CNBD1: variants seen among roughly 807,000 people sequenced by gnomAD.
CNBD1 encodes the protein cyclic nucleotide binding domain containing 1.
In CNBD1, 71 loss-of-function variants were observed where a neutral mutation model predicts 54.4. The observed-to-expected ratio is 1.30, with a 90% CI of 1.08 to 1.59. The LOEUF is 1.59. CNBD1 is among the 40% of genes most tolerant of loss of function. CNBD1 has a pLI of 0.00. For missense variants in CNBD1, 659 were observed against 518.0 expected, an observed-to-expected ratio of 1.27 and a Z score of -2.64; for synonymous variants, 182 against 170.7, an observed-to-expected ratio of 1.07 and a Z score of -0.51.
Position 87,323,778 on chromosome 8 carries a change from A to G in CNBD1, c.1043-27907A>G. On this transcript the variant is annotated intron_variant, in intron 8 of 10. Transcript: ENST00000518476. ...GACAATTTGACTTCCTCTTTTCCTA[A>G]TTGAATACCCTTTATTTCCTTCTCC... Among the ~76,000 whole-genome samples, 2 of 110,454 alleles carry G rather than the reference A, an allele frequency of 1.8e-5. 1 individual carries two copies. The highest frequency in any genetic ancestry group is 4.3e-5 in the Non-Finnish European group (2 of 46,780). 72.5% of individuals were successfully genotyped at this position (110,454 alleles called of 152,430 possible).
chr8:87,369,581 T>C (rs1364504108), intron 10 of CNBD1, among the ~76,000 whole-genome samples: 1 of 152,004 alleles, frequency 6.6e-6, no homozygotes, highest in Non-Finnish European at 1.5e-5. Context: ...AGATTTAGAA[T>C]TCTTGGCTGA....
intron 8 of CNBD1, among the ~76,000 whole-genome samples, chr8:87,293,536 C>A (rs762314505): frequency 6.6e-6 from 1 of 152,122 alleles, no homozygotes; most frequent in Non-Finnish European, 1.5e-5. Context: ...GAGCAAGACT[C>A]CATCTCAAAA....
At chr8:87,130,869 A>T (rs1032227045) in intron 4 of CNBD1, among the ~76,000 whole-genome samples, 1 of 151,248 alleles carries the variant, frequency 6.6e-6, no homozygotes, top group Non-Finnish European at 1.5e-5. Flanking sequence ...AATTTTGTCC[A>T]TTTTTTTGTT....
intron 8 of CNBD1, among the ~76,000 whole-genome samples, chr8:87,346,320 G>C (rs965590535): frequency 3.9e-5 from 6 of 152,020 alleles, no homozygotes; most frequent in Admixed American, 2.6e-4. Flanking sequence ...GGTATCACAG[G>C]TGTGAGCCAC....
At position 86,874,986 on chromosome 8, in the gene CNBD1, TTATATATATATATATATA is replaced by T. The variant is rs10584669; in HGVS notation, c.88+8421_88+8438del. Among the ~76,000 whole-genome samples the T allele has an allele frequency of 4.2e-3, 499 of 120,124 alleles. 18 individuals carry two copies. The highest frequency in any genetic ancestry group is 0.016 in the African/African-American group (460 of 28,970). The allele number at this position is 120,124 out of a possible 152,430, so 78.8% of individuals were successfully genotyped here. ...CATTTATATTTGTTTGTAAATCAAT[TTATATATATATATATATA>T]TATATATATATATATATGTATTAAA... is the stretch of plus-strand genomic sequence containing the variant. On this transcript the variant is annotated intron_variant, in intron 1 of 10. Transcript: ENST00000518476.
chr8:86,874,684 A>G (rs529793637), intron 1 of CNBD1, among the ~76,000 whole-genome samples: 101 of 152,016 alleles, frequency 6.6e-4, no homozygotes, highest in African/African-American at 2.4e-3. Context: ...AGTTTTAAGG[A>G]GTTATTTTTA....
intron 9 of CNBD1, 57 bp from the exon 10 acceptor site, chr8:87,353,579 C>G (rs1040758350): frequency 2.6e-6 from 3 of 1,134,900 alleles, no homozygotes; most frequent in Non-Finnish European, 3.8e-6. Context: ...AAAAACAATA[C>G]TGATTCATTA....
intron 2 of CNBD1, among the ~76,000 whole-genome samples, chr8:87,401,850 A>G (rs1238496635): frequency 1.3e-5 from 2 of 152,024 alleles, no homozygotes; most frequent in Admixed American, 1.3e-4. Context: ...TGATAATTAA[A>G]CACAGAATAA....
rs570058132 is a variant in CNBD1, at chr8:87,418,340, A to G, written c.214-10206A>G. ...ATGCAAAATATGAATTTGGACCCCA[A>G]TCTTATACCATGTAAAAAATTAAAT... is the stretch of plus-strand genomic sequence containing the variant. On this transcript the variant is annotated intron_variant, in intron 2 of 7. Transcript: ENST00000521593. Among the ~76,000 whole-genome samples the G allele has an allele frequency of 2.6e-5, 4 of 152,082 alleles. No individual in the cohort carries two copies. In the South Asian group the frequency reaches 6.2e-4, roughly 24 times the overall value.
Position 87,206,036 on chromosome 8 carries a change from T to G in CNBD1, c.475T>G (p.Phe159Val). The G allele has an allele frequency of 6.2e-7, 1 of 1,600,088 alleles. No homozygotes were observed. The highest frequency in any genetic ancestry group is 1.1e-5 in the South Asian group (1 of 89,192). ...TPYEHKTVWK[F>V]LKTIPDLTFQ... Reference sequence around the variant, plus strand: ...ATATGAACACAAAACTGTGTGGAAGTTCCTGAAAACAATTCCAGATTTAAC... The same window carrying G: ...ATATGAACACAAAACTGTGTGGAAGGTCCTGAAAACAATTCCAGATTTAAC... Residue 159 changes from phenylalanine (F) to valine (V), a missense_variant, in exon 5 of 11, where the codon TTC becomes GTC. Physicochemically the swap from Phe to Val is conservative, Grantham distance 50 (BLOSUM62 -1). Transcript: ENST00000518476.
intron 8 of CNBD1, among the ~76,000 whole-genome samples, chr8:87,302,057 G>C (rs1047651921): frequency 2.3e-4 from 35 of 152,192 alleles, no homozygotes; most frequent in African/African-American, 7.7e-4. Context: ...TCTACCAGAG[G>C]TACAAGGAGG....
At chr8:87,421,956 T>C (rs941032849) in intron 2 of CNBD1, among the ~76,000 whole-genome samples, 4 of 149,878 alleles carry the variant, frequency 2.7e-5, no homozygotes, top group Admixed American at 1.3e-4. Flanking sequence ...GACTTTTTAA[T>C]GATCGCCATT....
At chr8:87,326,237 T>C (rs1388612724) in intron 8 of CNBD1, among the ~76,000 whole-genome samples, 2 of 122,660 alleles carry the variant, frequency 1.6e-5, no homozygotes, top group Non-Finnish European at 3.7e-5. Context: ...GCCCTTAACA[T>C]TTTTTCCTTC....
chr8:86,976,005 C>T (rs972772408), intron 4 of CNBD1, among the ~76,000 whole-genome samples: 10 of 151,634 alleles, frequency 6.6e-5, no homozygotes, highest in African/African-American at 2.2e-4. Context: ...TTTTTTCATA[C>T]CTGTTGACCA....
At chr8:87,242,753 T>C (rs998664001) in intron 6 of CNBD1, among the ~76,000 whole-genome samples, 14 of 152,250 alleles carry the variant, frequency 9.2e-5, no homozygotes, top group Non-Finnish European at 8.8e-5. Context: ...CATTTATATT[T>C]GGCTCAGAAT....
rs541696643 is a variant in CNBD1, at chr8:87,190,740, A to G, written c.432-15253A>G. Reference sequence around the variant, plus strand: ...GCTTGTAAGTTTCTGTAATATTTGTAAGAGTAAGACATTTTCACTATAGTC... The same window carrying G: ...GCTTGTAAGTTTCTGTAATATTTGTGAGAGTAAGACATTTTCACTATAGTC... On this transcript the variant is annotated intron_variant, in intron 4 of 10. Coordinates refer to ENST00000518476, the MANE Select transcript of CNBD1 (RefSeq NM_173538.3). 1.4e-4 allele frequency among the ~76,000 whole-genome samples: 22 copies of G among 151,844 alleles called. No homozygotes were observed. In the South Asian group the frequency reaches 3.3e-3, roughly 23 times the overall value.
At chr8:87,387,016 A>T (rs1417874844), downstream of CNBD1, among the ~76,000 whole-genome samples, 1 of 152,200 alleles carries the variant, frequency 6.6e-6, no homozygotes, top group Non-Finnish European at 1.5e-5. Flanking sequence ...AAGCTCCGTA[A>T]GTGAGGGAGA....
intron 4 of CNBD1, among the ~76,000 whole-genome samples, chr8:87,204,514 C>A (rs1813928607): frequency 6.6e-6 from 1 of 152,104 alleles, no homozygotes. Context: ...TTTCTAGAGC[C>A]TCTCTATTCC....
chr8:87,155,162 G>A (rs1812687382), intron 4 of CNBD1, among the ~76,000 whole-genome samples: 1 of 152,122 alleles, frequency 6.6e-6, no homozygotes, highest in Non-Finnish European at 1.5e-5. Context: ...TGGCAATAAG[G>A]GAGATGTCTT....
Sources: gnomAD v4.1 joint callset for allele counts (sites outside exome capture counted in the v4.1 genomes callset) on GRCh38, gnomAD v4.1.1 for gene constraint, MANE v1.5 for transcripts, NCBI Gene and HGNC (gene_info 2026-07-23, HGNC 2026-07-21) for gene names.